The following ZNF572 variants were observed in gnomAD, a reference collection of about 807,000 sequenced individuals.
The protein encoded by ZNF572 is zinc finger protein 572.
In ZNF572, 2 loss-of-function variants were observed where a neutral mutation model predicts 3.8. That is an observed-to-expected ratio of 0.52 (90% CI 0.21 to 1.65). ZNF572 has a LOEUF of 1.65. ZNF572 is among the 40% of genes most tolerant of loss of function. The pLI is 0.20. For missense variants in ZNF572, 581 were observed against 633.4 expected (o/e 0.92, Z 0.89); for synonymous variants, 187 against 204.5 (o/e 0.91, Z 0.73).
Position 124,977,807 on chromosome 8 carries a change from A to C in ZNF572, c.1539A>C (p.Ser513=), listed in dbSNP as rs1021913337. The C allele has an allele frequency of 4.3e-6, 7 of 1,611,608 alleles. No individual in the cohort carries two copies. The highest frequency in any genetic ancestry group is 5.9e-6 in the Non-Finnish European group (7 of 1,178,154). Residue 513 remains serine (S), a synonymous_variant, in exon 3 of 3, where the codon TCA becomes TCC. Coordinates refer to ENST00000319286, the MANE Select transcript of ZNF572 (RefSeq NM_152412.3). Reference sequence around the variant, plus strand: ...ATGAATGGACTTGGAAAAACTGTTCAGGGGAAATGCCCTTCATCTCTTCAT... The same window carrying C: ...ATGAATGGACTTGGAAAAACTGTTCCGGGGAAATGCCCTTCATCTCTTCAT... The part of the protein sequence containing the change: ...FPHEWTWKNC[S]GEMPFISSFS...
chr8:124,978,133 C>G lies in ZNF572; in HGVS notation c.*275C>G, dbSNP rs547750811. 1 of 358,378 alleles carries G rather than the reference C, an allele frequency of 2.8e-6. No homozygotes were observed. Among genetic ancestry groups the G allele is most frequent in the East Asian group, 4.4e-5 (1 of 22,562 alleles). The allele number at this position is 358,378 out of a possible 1,614,324, so 22.2% of individuals were successfully genotyped here. On this transcript the variant is annotated 3_prime_UTR_variant, in exon 3 of 3. Transcript: ENST00000319286. ...TCAAAAGAACACATACAGAGTAATC[C>G]TGAGAGTAAGCAAAGGAACCATGAG...
In ZNF572 at chr8:124,977,388, G is replaced by T; in HGVS notation, c.1120G>T (p.Glu374Ter). Residue 374 changes from glutamate to a stop codon, truncating the protein, a stop_gained, in exon 3 of 3, where the codon GAA becomes TAA. Transcript: ENST00000319286. LOFTEE classifies it low-confidence loss of function (END_TRUNC). The part of the protein sequence containing the change: ...SLGQNCNVIE[E>*]CRIQLGEKPY... ...GGGTCAGAACTGCAATGTGATAGAA[G>T]AATGCAGAATCCAGTTAGGAGAGAA... The T allele has an allele frequency of 6.2e-7, 1 of 1,614,150 alleles. No homozygotes were observed. Among genetic ancestry groups the T allele is most frequent in the Non-Finnish European group, 8.5e-7 (1 of 1,180,022 alleles).
In ZNF572 at chr8:124,976,994, A is replaced by G; in HGVS notation, c.726A>G (p.Lys242=). 3 of 1,614,140 alleles carry G rather than the reference A, an allele frequency of 1.9e-6. No homozygotes were observed. The highest frequency in any genetic ancestry group is 2.5e-6 in the Non-Finnish European group (3 of 1,180,020). ...ATCACAGATCACATACAGGTGAAAAACCATATGAATGTTCTGTCTGCGGAA... is the reference window on the plus strand; with the variant it reads ...ATCACAGATCACATACAGGTGAAAAGCCATATGAATGTTCTGTCTGCGGAA... The part of the protein sequence containing the change: ...IQHHRSHTGE[K]PYECSVCGKG... The change falls in exon 3 of 3, where the codon AAA becomes AAG. Residue 242 remains lysine, a synonymous_variant. Transcript: ENST00000319286.
At chr8:124,975,819 CACTT>C in intron 2 of ZNF572, 100 bp downstream of exon 2, 1 of 863,614 alleles carries the variant, frequency 1.2e-6, no homozygotes, top group South Asian at 1.6e-5. Flanking sequence ...CTTGTTCTGT[CACTT>C]ATAAGCTGTG....
intron 1 of ZNF572, among the ~76,000 whole-genome samples, chr8:124,973,682 T>C (rs1814466220): frequency 6.6e-6 from 1 of 152,172 alleles, no homozygotes; most frequent in African/African-American, 2.4e-5. Flanking sequence ...AAAACTAGGC[T>C]TCAGGCAGTG....
rs200172366 is a variant in ZNF572 at position 124,977,772 on chromosome 8, G to C, written c.1504G>C (p.Asp502His). The C allele has an allele frequency of 4.6e-5, 75 of 1,613,954 alleles. No individual in the cohort carries two copies. Among genetic ancestry groups the C allele is most frequent in the Admixed American group, 2.2e-4 (13 of 59,992 alleles). Reference protein sequence around the residue: ...EKPFESPDVGDFPHEWTWKNC... With the variant: ...EKPFESPDVGHFPHEWTWKNC... ...GCCTTTTGAGTCTCCCGACGTTGGG[G>C]ATTTTCCTCATGAATGGACTTGGAA... Residue 502 changes from aspartate (D) to histidine (H), a missense_variant, in exon 3 of 3, where the codon GAT (aspartate) becomes CAT (histidine). Physicochemically the swap from Asp to His is moderately conservative, Grantham distance 81. Coordinates refer to ENST00000319286, the MANE Select transcript of ZNF572 (RefSeq NM_152412.3).
At chr8:124,976,144 A>G (rs562578740) in intron 2 of ZNF572, among the ~76,000 whole-genome samples, 1 of 152,186 alleles carries the variant, frequency 6.6e-6, no homozygotes, top group Non-Finnish European at 1.5e-5. Context: ...CAAATAATTC[A>G]TTATTGTTGT....
chr8:124,975,165 A>C (rs1031366722), intron 1 of ZNF572, among the ~76,000 whole-genome samples: 1 of 152,204 alleles, frequency 6.6e-6, no homozygotes, highest in African/African-American at 2.4e-5. Context: ...CCTTCTGTCA[A>C]GACCAAGTTA....
rs1814516707 is a variant in ZNF572, at chr8:124,977,007, T to A, written c.739T>A (p.Ser247Thr). The A allele has an allele frequency of 1.2e-6, 2 of 1,613,968 alleles. No individual in the cohort carries two copies. Among genetic ancestry groups the A allele is most frequent in the Non-Finnish European group, 1.7e-6 (2 of 1,180,026 alleles). The change falls in exon 3 of 3, where the codon TCT becomes ACT. Residue 247 changes from serine (S) to threonine (T), a missense_variant. Coordinates refer to ENST00000319286, the MANE Select transcript of ZNF572 (RefSeq NM_152412.3). ...TACAGGTGAAAAACCATATGAATGT[T>A]CTGTCTGCGGAAAAGGCTTCAGTCA... ...SHTGEKPYECSVCGKGFSHSY... is the reference protein window; with the variant it reads ...SHTGEKPYECTVCGKGFSHSY...
rs1814548160 is a variant in ZNF572 at position 124,978,680 on chromosome 8, T to C, written c.*822T>C. Reference sequence around the variant, plus strand: ...AGACACTGGGTTTAGACATTGGATATTTTAATGATTGTGTGTTCTAATTCA... The same window carrying C: ...AGACACTGGGTTTAGACATTGGATACTTTAATGATTGTGTGTTCTAATTCA... On this transcript the variant is annotated 3_prime_UTR_variant, in exon 3 of 3. Coordinates refer to ENST00000319286, the MANE Select transcript of ZNF572 (RefSeq NM_152412.3). The C allele has an allele frequency of 6.6e-6, 1 of 152,226 alleles. No individual in the cohort carries two copies. The highest frequency in any genetic ancestry group is 1.5e-5 in the Non-Finnish European group (1 of 68,030). 9.4% of individuals were successfully genotyped at this position (152,226 alleles called of 1,614,324 possible). A position where few individuals can be genotyped will look rare whatever the true frequency, so the allele number is the denominator to read the frequency against.
At position 124,977,304 on chromosome 8, in the gene ZNF572, C is replaced by G. The variant is rs779610093; in HGVS notation, c.1036C>G (p.His346Asp). Residue 346 changes from histidine (H) to aspartate (D), a missense_variant, in exon 3 of 3, where the codon CAC becomes GAC. His to Asp is a moderately conservative substitution (Grantham distance 81). Transcript: ENST00000319286. ...TAGTCGTAGTTCAAACCTTATTACA[C>G]ACCAGAAAATGCACACAGGAGAGAA... ...NFSRSSNLIT[H>D]QKMHTGEKSY... The G allele has an allele frequency of 6.2e-7, 1 of 1,614,172 alleles. No homozygotes were observed. The highest frequency in any genetic ancestry group is 1.1e-5 in the South Asian group (1 of 91,086).
rs1814526527 is a variant in ZNF572, at chr8:124,977,591, A to G, written c.1323A>G (p.Lys441=). 2 of 1,614,202 alleles carry G rather than the reference A, an allele frequency of 1.2e-6. No homozygotes were observed. The highest frequency in any genetic ancestry group is 2.2e-5 in the South Asian group (2 of 91,086). The change falls in exon 3 of 3, where the codon AAA becomes AAG. Residue 441 remains lysine, a synonymous_variant. Coordinates refer to ENST00000319286, the MANE Select transcript of ZNF572 (RefSeq NM_152412.3). ...CACATACAGGAGAGAAACCTTATAAATGTCCTGATTGTGGTGAAAGCTTCA... is the reference window on the plus strand; with the variant it reads ...CACATACAGGAGAGAAACCTTATAAGTGTCCTGATTGTGGTGAAAGCTTCA... ...QRTHTGEKPY[K]CPDCGESFSQ...
chr8:124,978,126 A>G lies in ZNF572; in HGVS notation c.*268A>G. 2.7e-6 allele frequency: 1 copy of G among 377,150 alleles called. No homozygotes were observed. The allele number at this position is 377,150 out of a possible 1,614,324, so 23.4% of individuals were successfully genotyped here. A position where few individuals can be genotyped will look rare whatever the true frequency, so the allele number is the denominator to read the frequency against. On this transcript the variant is annotated 3_prime_UTR_variant, in exon 3 of 3. Transcript: ENST00000319286. Reference sequence around the variant, plus strand: ...AATAGCTTCAAAAGAACACATACAGAGTAATCCTGAGAGTAAGCAAAGGAA... The same window carrying G: ...AATAGCTTCAAAAGAACACATACAGGGTAATCCTGAGAGTAAGCAAAGGAA...
chr8:124,973,958 G>A lies in ZNF572; in HGVS notation c.-36+542G>A, dbSNP rs551748984. Among the ~76,000 whole-genome samples the A allele has an allele frequency of 3.9e-5, 6 of 152,234 alleles. 1 individual carries two copies. The South Asian group carries it at 1.0e-3, about 26-fold the overall frequency. The stretch of plus-strand genomic sequence containing the variant: ...TTTGTAAATACTTTGATAACAATAT[G>A]TAACTTAGGACAGCAAAATATATAA... On this transcript the variant is annotated intron_variant, in intron 1 of 2. Coordinates refer to ENST00000319286, the MANE Select transcript of ZNF572 (RefSeq NM_152412.3).
chr8:124,974,512 A>G (rs1814479092), intron 1 of ZNF572, among the ~76,000 whole-genome samples: 1 of 152,246 alleles, frequency 6.6e-6, no homozygotes, highest in Non-Finnish European at 1.5e-5. Context: ...AATGGTGAAG[A>G]TACAATATAA....
In ZNF572 at chr8:124,976,848, G is replaced by A; in HGVS notation, c.580G>A (p.Gly194Arg). 1 of 1,614,064 alleles carries A rather than the reference G, an allele frequency of 6.2e-7. No individual in the cohort carries two copies. The highest frequency in any genetic ancestry group is 1.7e-5 in the Admixed American group (1 of 60,022). The change falls in exon 3 of 3, where the codon GGG becomes AGG. Residue 194 changes from glycine (G) to arginine (R), a missense_variant. Gly to Arg is a moderately radical substitution (Grantham distance 125). Coordinates refer to ENST00000319286, the MANE Select transcript of ZNF572 (RefSeq NM_152412.3). ...GEKPYQCGEC[G>R]KSFSNTSHLI... ...GAAGCCCTACCAGTGTGGTGAATGT[G>A]GGAAAAGCTTCAGCAATACCTCCCA...
intron 1 of ZNF572, among the ~76,000 whole-genome samples, chr8:124,974,391 C>T (rs1471168567): frequency 6.6e-6 from 1 of 152,152 alleles, no homozygotes. Flanking sequence ...CTTTCAAACT[C>T]ATCCTATAAA....
At chr8:124,973,644 C>T (rs1322677402) in intron 1 of ZNF572, among the ~76,000 whole-genome samples, 1 of 152,192 alleles carries the variant, frequency 6.6e-6, no homozygotes, top group Non-Finnish European at 1.5e-5. Flanking sequence ...CCCCCAGCGT[C>T]TCCAACTTGT....
Position 124,973,326 on chromosome 8 carries a change from G to T in ZNF572, c.-126G>T, listed in dbSNP as rs1452246674. On this transcript the variant is annotated 5_prime_UTR_variant, in exon 1 of 3. Transcript: ENST00000319286. ...CTGCCTTCCGGGTTTGAGAGTTTAG[G>T]ACCCTGGGTTGGTGGGGTCAGAGGG... The T allele has an allele frequency of 6.6e-6, 1 of 152,306 alleles. No individual in the cohort carries two copies. The highest frequency in any genetic ancestry group is 1.5e-5 in the Non-Finnish European group (1 of 68,152). The allele number at this position is 152,306 out of a possible 1,614,324, so 9.4% of individuals were successfully genotyped here. A position where few individuals can be genotyped will look rare whatever the true frequency, so the allele number is the denominator to read the frequency against.
Sources: gnomAD v4.1 joint callset for allele counts (sites outside exome capture counted in the v4.1 genomes callset) on GRCh38, gnomAD v4.1.1 for gene constraint, MANE v1.5 for transcripts, NCBI Gene and HGNC (gene_info 2026-07-23, HGNC 2026-07-21) for gene names.